The following ARFGEF1 variants were observed in gnomAD, a reference collection of about 807,000 sequenced individuals.
The protein encoded by ARFGEF1 is ARF guanine nucleotide exchange factor 1.
ARFGEF1 carries 42 observed loss-of-function variants against 231.0 expected under a neutral mutation model. The observed-to-expected ratio is 0.18, with a 90% CI of 0.14 to 0.24. ARFGEF1 has a LOEUF of 0.24. ARFGEF1 is among the 10% of genes least tolerant of loss of function. The pLI, the probability that ARFGEF1 is intolerant of heterozygous loss-of-function variation, is 1.00. For missense variants in ARFGEF1, 1,345 were observed against 2,192.0 expected (o/e 0.61, Z 7.72); for synonymous variants, 710 against 732.3 (o/e 0.97, Z 0.49).
intron 1 of ARFGEF1, among the ~76,000 whole-genome samples, chr8:67,321,084 T>C (rs1338217261): frequency 2.0e-5 from 3 of 148,368 alleles, no homozygotes; most frequent in South Asian, 2.1e-4. Flanking sequence ...TCCACATTTA[T>C]GACATTCTTA....
chr8:67,330,303 G>A lies in ARFGEF1; in HGVS notation c.124+12861C>T, dbSNP rs193293659. 2.7e-3 allele frequency among the ~76,000 whole-genome samples: 410 copies of A among 152,224 alleles called. 2 individuals carry two copies. The highest frequency in any genetic ancestry group is 9.6e-3 in the African/African-American group (399 of 41,566). On this transcript the variant is annotated intron_variant, in intron 1 of 38. Transcript: ENST00000262215. Reference sequence around the variant, plus strand: ...TATATACAAGTTTAAGAGAGTATATGTTGGCATACTCATTGACTTTTTAAG... The same window carrying A: ...TATATACAAGTTTAAGAGAGTATATATTGGCATACTCATTGACTTTTTAAG...
intron 1 of ARFGEF1, among the ~76,000 whole-genome samples, chr8:67,315,292 A>G (rs543278773): frequency 6.6e-6 from 1 of 152,344 alleles, no homozygotes; most frequent in East Asian, 1.9e-4. Flanking sequence ...GGAGAAACAG[A>G]CAAATCTGCT....
At position 67,312,632 on chromosome 8, in the gene ARFGEF1, G is replaced by C. The variant is rs187718492; in HGVS notation, c.125-10166C>G. The stretch of plus-strand genomic sequence containing the variant: ...AAGTTTTGAAACACCGTGAAGAATG[G>C]GAAGTGTAAAAATATGGAAACATAT... On this transcript the variant is annotated intron_variant, in intron 1 of 38. Coordinates refer to ENST00000262215, the MANE Select transcript of ARFGEF1 (RefSeq NM_006421.5). 1.4e-3 allele frequency among the ~76,000 whole-genome samples: 212 copies of C among 152,252 alleles called. 1 individual carries two copies. The highest frequency in any genetic ancestry group is 4.8e-3 in the African/African-American group (199 of 41,540).
intron 1 of ARFGEF1, among the ~76,000 whole-genome samples, chr8:67,336,232 A>G (rs554697678): frequency 2.0e-5 from 3 of 152,354 alleles, no homozygotes; most frequent in African/African-American, 4.8e-5. Flanking sequence ...GCCTCTACTT[A>G]TAACACACTA....
intron 34 of ARFGEF1, among the ~76,000 whole-genome samples, chr8:67,207,788 G>A (rs957433153): frequency 6.6e-6 from 1 of 152,330 alleles, no homozygotes; most frequent in South Asian, 2.1e-4. Flanking sequence ...TGGGAGCAGG[G>A]TGGCCGCTTG....
chr8:67,270,013 A>G (rs368185021), intron 10 of ARFGEF1, among the ~76,000 whole-genome samples: 1 of 152,180 alleles, frequency 6.6e-6, no homozygotes, highest in East Asian at 1.9e-4. Context: ...TTGGTTACAT[A>G]AAGTATTACA....
intron 1 of ARFGEF1, among the ~76,000 whole-genome samples, chr8:67,342,911 G>A (rs1808710554): frequency 6.6e-6 from 1 of 152,056 alleles, no homozygotes; most frequent in African/African-American, 2.4e-5. Flanking sequence ...CTCGAACCCA[G>A]GTGCCCCGCG....
In ARFGEF1 at chr8:67,219,417, G is replaced by A. The variant is rs1436899828; in HGVS notation, c.4338+14C>T. ...AACTTGACTAAGCTAAATGAAAATT[G>A]TGTATCCTCTTACCTCTGTCTGTTG... is the stretch of plus-strand genomic sequence containing the variant. On this transcript the variant is annotated intron_variant, in intron 30 of 38. Coordinates refer to ENST00000262215, the MANE Select transcript of ARFGEF1 (RefSeq NM_006421.5). 2 of 1,603,432 alleles carry A rather than the reference G, an allele frequency of 1.2e-6. No homozygotes were observed. Among genetic ancestry groups the A allele is most frequent in the Non-Finnish European group, 1.7e-6 (2 of 1,176,470 alleles).
At chr8:67,182,845 GT>G (rs1230572051) in intron 5 of ARFGEF1, among the ~76,000 whole-genome samples, 2 of 152,284 alleles carry the variant, frequency 1.3e-5, no homozygotes, top group Admixed American at 6.5e-5. Context: ...TTGTTATTGA[GT>G]TGTGGGAGTT....
chr8:67,241,306 A>G (rs1215926302), intron 19 of ARFGEF1, among the ~76,000 whole-genome samples: 2 of 152,168 alleles, frequency 1.3e-5, no homozygotes, highest in Non-Finnish European at 1.5e-5. Flanking sequence ...TTATATTTGA[A>G]CTGCCACTAC....
chr8:67,175,552 T>C lies in ARFGEF1; in HGVS notation c.*3A>G, dbSNP rs761576017. 4 of 1,229,234 alleles carry C rather than the reference T, an allele frequency of 3.3e-6. No individual in the cohort carries two copies. The Admixed American group carries it at 5.6e-5, about 17-fold the overall frequency. The allele number at this position is 1,229,234 out of a possible 1,614,324, so 76.1% of individuals were successfully genotyped here. ...CATCCTCCTTTCACTGGCAGCCCCA[T>C]GCTCACAGGGTCCGTTTGGTCTGTA... On this transcript the variant is annotated 3_prime_UTR_variant, in exon 6 of 6. Coordinates refer to the ARFGEF1 transcript ENST00000518789.
intron 29 of ARFGEF1, among the ~76,000 whole-genome samples, chr8:67,223,020 T>A (rs1165165669): frequency 1.3e-5 from 2 of 152,228 alleles, no homozygotes; most frequent in African/African-American, 4.8e-5. Context: ...GCTATGATGT[T>A]CACACAATGC....
chr8:67,271,045 G>GAAAAAAAAAAAAAAAAAAA (rs1563878469), intron 10 of ARFGEF1, among the ~76,000 whole-genome samples: 58 of 69,492 alleles, frequency 8.3e-4, no homozygotes, highest in East Asian at 1.5e-3. Flanking sequence ...AAAAAAAAAG[G>GAAAAAAAAAAAAAAAAAAA]AAAAAGAAAA....
intron 7 of ARFGEF1, among the ~76,000 whole-genome samples, chr8:67,283,939 T>C (rs1211610553): frequency 6.6e-6 from 1 of 152,210 alleles, no homozygotes; most frequent in Non-Finnish European, 1.5e-5. Flanking sequence ...CAGATATTCA[T>C]ATTCATTTAC....
At chr8:67,219,399 C>T (rs759829494) in intron 30 of ARFGEF1, 32 bp downstream of exon 30, 4 of 1,593,744 alleles carry the variant, frequency 2.5e-6, no homozygotes, top group Non-Finnish European at 3.4e-6. Flanking sequence ...TTTAACTTGA[C>T]TAAGCTAAAT....
At chr8:67,253,705 G>A in intron 17 of ARFGEF1, 83 bp from the exon 18 acceptor site, 1 of 743,584 alleles carries the variant, frequency 1.3e-6, no homozygotes. Flanking sequence ...ATTTACATAA[G>A]AGATTTTGTA....
intron 34 of ARFGEF1, among the ~76,000 whole-genome samples, chr8:67,209,051 ATAGAATTACCC>A (rs1238099055): frequency 3.9e-5 from 6 of 152,258 alleles, no homozygotes; most frequent in African/African-American, 1.4e-4. Context: ...GAAGTTAAAC[ATAGAATTACCC>A]TATGAGCTAG....
chr8:67,245,451 G>T (rs116435483), intron 19 of ARFGEF1, among the ~76,000 whole-genome samples: 2,643 of 150,492 alleles, frequency 0.018, 291 homozygotes, highest in African/African-American at 0.063. Flanking sequence ...AGGTTAAAAA[G>T]CAGGGGAACA....
chr8:67,243,486 G>A (rs566813932), intron 19 of ARFGEF1, among the ~76,000 whole-genome samples: 1 of 152,176 alleles, frequency 6.6e-6, no homozygotes. Flanking sequence ...AGAACAGCAC[G>A]GGAAAAGACC....
Sources: allele counts gnomAD v4.1 joint callset (sites outside exome capture counted in the v4.1 genomes callset), GRCh38; gene constraint gnomAD v4.1.1; transcripts MANE v1.5; gene names NCBI Gene and HGNC (gene_info 2026-07-23, HGNC 2026-07-21).